Variants in ADAM12 observed in about 807,000 individuals in gnomAD.
ADAM12 encodes the protein disintegrin and metalloproteinase domain-containing protein 12.
ADAM12 carries 70 observed loss-of-function variants against 106.4 expected under a neutral mutation model. That is an observed-to-expected ratio of 0.66 (90% confidence interval 0.54 to 0.80). ADAM12 has a LOEUF of 0.80. Ranked by LOEUF, ADAM12 falls within the 30% of genes least tolerant of loss-of-function variation. The pLI is 0.00. For missense variants in ADAM12, 1,010 were observed against 1,171.9 expected, an observed-to-expected ratio of 0.86 and a Z score of 2.02; for synonymous variants, 420 against 433.5, an observed-to-expected ratio of 0.97 and a Z score of 0.39.
chr10:126,121,199 T>TAC (rs1956099379), intron 5 of ADAM12, among the ~76,000 whole-genome samples: 1 of 76,090 alleles, frequency 1.3e-5, no homozygotes, highest in African/African-American at 5.1e-5. Flanking sequence ...ACTATATATA[T>TAC]ACTATATACT....
intron 1 of ADAM12, among the ~76,000 whole-genome samples, chr10:126,385,322 G>A (rs556185691): frequency 2.3e-4 from 35 of 152,232 alleles, no homozygotes; most frequent in Middle Eastern, 3.4e-3. Context: ...CCTTCAATCC[G>A]TCTCCCCTCC....
In ADAM12 at chr10:126,089,178, C is replaced by T. The variant is rs149309122; in HGVS notation, c.1145+4807G>A. Among the ~76,000 whole-genome samples the T allele has an allele frequency of 3.1e-3, 472 of 152,260 alleles. 2 individuals are homozygous for T. Among genetic ancestry groups the T allele is most frequent in the African/African-American group, 0.011 (444 of 41,532 alleles). On this transcript the variant is annotated intron_variant, in intron 11 of 22. Coordinates refer to ENST00000448723, the MANE Select transcript of ADAM12 (RefSeq NM_001288973.2). ...AGCATCCGTGTGACAACTGTGGCAA[C>T]AATTCTTTTCAGATACACATGAAGA...
At chr10:126,031,170 A>T (rs973995390) in intron 21 of ADAM12, among the ~76,000 whole-genome samples, 1 of 152,214 alleles carries the variant, frequency 6.6e-6, no homozygotes, top group Non-Finnish European at 1.5e-5. Flanking sequence ...TTTACCAGTT[A>T]TTAGCCTGTG....
intron 2 of ADAM12, among the ~76,000 whole-genome samples, chr10:126,282,739 C>T (rs1346770898): frequency 1.3e-5 from 2 of 152,074 alleles, no homozygotes; most frequent in Non-Finnish European, 2.9e-5. Context: ...TTCTTTCTCT[C>T]CAACCCTTTT....
At chr10:126,151,899 AAT>A (rs1000641607) in intron 4 of ADAM12, among the ~76,000 whole-genome samples, 9 of 151,842 alleles carry the variant, frequency 5.9e-5, no homozygotes, top group African/African-American at 1.9e-4. Context: ...TTGCATTCTT[AAT>A]ATTATTTACT....
chr10:126,356,757 A>C (rs1272677859), intron 1 of ADAM12, among the ~76,000 whole-genome samples: 4 of 152,236 alleles, frequency 2.6e-5, no homozygotes, highest in African/African-American at 7.2e-5. Context: ...AAAACAATAC[A>C]TGAATAAAAG....
chr10:126,280,920 C>A (rs533140312), intron 2 of ADAM12, among the ~76,000 whole-genome samples: 1 of 152,088 alleles, frequency 6.6e-6, no homozygotes, highest in Non-Finnish European at 1.5e-5. Flanking sequence ...GAGTGTTACT[C>A]GACTTTGAAA....
chr10:126,343,885 T>C (rs1855034443), intron 1 of ADAM12, among the ~76,000 whole-genome samples: 1 of 152,200 alleles, frequency 6.6e-6, no homozygotes, highest in Admixed American at 6.5e-5. Flanking sequence ...TGTTTTTTTC[T>C]TGTAAATTTG....
At chr10:126,120,925 T>TA (rs1565073484) in intron 5 of ADAM12, among the ~76,000 whole-genome samples, 1 of 95,750 alleles carries the variant, frequency 1.0e-5, no homozygotes, top group Non-Finnish European at 2.0e-5. Context: ...TGCAATATAA[T>TA]TATATATTAT....
chr10:126,182,362 A>AAATGG (rs780017016), intron 3 of ADAM12, among the ~76,000 whole-genome samples: 1 of 152,172 alleles, frequency 6.6e-6, no homozygotes, highest in Non-Finnish European at 1.5e-5. Context: ...AGTCTCGTAC[A>AAATGG]AATGGAATTT....
chr10:126,190,714 G>A (rs971712819), intron 3 of ADAM12, among the ~76,000 whole-genome samples: 11 of 152,180 alleles, frequency 7.2e-5, no homozygotes, highest in African/African-American at 2.4e-4. Flanking sequence ...AGAAGGTGGT[G>A]AGGAACAGAC....
chr10:126,323,344 A>G (rs146895992), intron 2 of ADAM12, among the ~76,000 whole-genome samples: 1 of 152,352 alleles, frequency 6.6e-6, no homozygotes, highest in Non-Finnish European at 1.5e-5. Flanking sequence ...GTAGAGTAAC[A>G]GCACTGCTCT....
rs372441376 is a variant in ADAM12 at position 126,071,440 on chromosome 10, A to G, written c.1323+37T>C. On this transcript the variant is annotated intron_variant, in intron 12 of 22. Transcript: ENST00000448723. ...TCTTCTTTGCCTAGCCGAGGATACAAGTCTTCTTGTATCCTTGTTCTGGGA... is the reference window on the plus strand; with the variant it reads ...TCTTCTTTGCCTAGCCGAGGATACAGGTCTTCTTGTATCCTTGTTCTGGGA... 19 of 1,606,810 alleles carry G rather than the reference A, an allele frequency of 1.2e-5. No homozygotes were observed. The African/African-American group carries it at 2.3e-4, about 19-fold the overall frequency.
intron 3 of ADAM12, among the ~76,000 whole-genome samples, chr10:126,181,072 ATT>A (rs35075200): frequency 0.013 from 1,861 of 140,642 alleles, 49 homozygotes; most frequent in African/African-American, 0.045. Flanking sequence ...CTACATAGGG[ATT>A]TTTTTTTTTT....
intron 3 of ADAM12, among the ~76,000 whole-genome samples, chr10:126,258,129 C>G (rs7075337): frequency 0.18 from 27,018 of 152,138 alleles, 2,749 homozygotes; most frequent in South Asian, 0.31. Flanking sequence ...AATCCACTGT[C>G]TACTGACAAT....
chr10:126,216,444 C>A (rs1957988671), intron 3 of ADAM12, among the ~76,000 whole-genome samples: 1 of 152,214 alleles, frequency 6.6e-6, no homozygotes, highest in Non-Finnish European at 1.5e-5. Flanking sequence ...TGTTACAGAG[C>A]TCGAAAGCTC....
chr10:126,021,013 A>AAAAAG (rs1953756521), intron 21 of ADAM12, among the ~76,000 whole-genome samples: 1 of 148,108 alleles, frequency 6.8e-6, no homozygotes. Context: ...AAAAAAAAAA[A>AAAAAG]TGTAAGAACA....
Position 126,046,144 on chromosome 10 carries a change from G to C in ADAM12, c.1918-12C>G. On this transcript the variant is annotated splice_polypyrimidine_tract_variant and intron_variant, in intron 16 of 22. Coordinates refer to ENST00000448723, the MANE Select transcript of ADAM12 (RefSeq NM_001288973.2). Reference sequence around the variant, plus strand: ...CGATTCAGGCAGATCTGTAGGAGGAGGAAAACACAGCAAATCTCTTAGTAT... The same window carrying C: ...CGATTCAGGCAGATCTGTAGGAGGACGAAAACACAGCAAATCTCTTAGTAT... 3 of 1,609,584 alleles carry C rather than the reference G, an allele frequency of 1.9e-6. No homozygotes were observed. The highest frequency in any genetic ancestry group is 2.6e-6 in the Non-Finnish European group (3 of 1,175,866).
At chr10:126,134,585 A>G (rs917458272) in intron 5 of ADAM12, among the ~76,000 whole-genome samples, 1 of 152,208 alleles carries the variant, frequency 6.6e-6, no homozygotes, top group South Asian at 2.1e-4. Flanking sequence ...AGATGTATTG[A>G]GCAATGGGGA....
Sources: allele counts gnomAD v4.1 joint callset (sites outside exome capture counted in the v4.1 genomes callset), GRCh38; gene constraint gnomAD v4.1.1; transcripts MANE v1.5; gene names NCBI Gene and HGNC (gene_info 2026-07-23, HGNC 2026-07-21).